PEPD: variants seen among roughly 807,000 people sequenced by gnomAD.
The protein encoded by PEPD is xaa-Pro dipeptidase.
Under a neutral mutation model 60.7 loss-of-function variants are expected in PEPD, and 53 were observed. The observed-to-expected ratio is 0.87, with a 90% CI of 0.70 to 1.10. The LOEUF is 1.10. Ranked by LOEUF, PEPD falls within the 50% of genes least tolerant of loss-of-function variation. The probability of loss-of-function intolerance (pLI) is 0.00; values close to 1 mark genes in which losing one functional copy is unlikely to be tolerated. For synonymous variants in PEPD, 267 were observed against 284.1 expected (o/e 0.94, Z 0.60); for missense variants, 711 against 711.9 (o/e 1.00, Z 0.01).
At chr19:33,472,386 C>G (rs546435845) in intron 7 of PEPD, among the ~76,000 whole-genome samples, 219 of 152,222 alleles carry the variant, frequency 1.4e-3, no homozygotes, top group Middle Eastern at 3.4e-3. Flanking sequence ...AAAAACGTGC[C>G]AGGAAATGTG....
chr19:33,398,987 TTTTG>T lies in PEPD; in HGVS notation c.967+2730_967+2733del, dbSNP rs555806956. On this transcript the variant is annotated intron_variant, in intron 12 of 14. Coordinates refer to ENST00000244137, the MANE Select transcript of PEPD (RefSeq NM_000285.4). ...TTCATACTCAGGGGTGGCAGCTCCTTTTTGTTTGTTTTTTGAGACAGGGTCTCAC... is the reference window on the plus strand; with the variant it reads ...TTCATACTCAGGGGTGGCAGCTCCTTTTTGTTTTTTGAGACAGGGTCTCAC... Among the ~76,000 whole-genome samples, 51 of 152,238 alleles carry T rather than the reference TTTTG, an allele frequency of 3.4e-4. No individual in the cohort carries two copies. The East Asian group carries it at 8.1e-3, about 24-fold the overall frequency.
intron 6 of PEPD, among the ~76,000 whole-genome samples, chr19:33,486,481 C>T (rs932191486): frequency 2.6e-5 from 4 of 152,052 alleles, no homozygotes; most frequent in Non-Finnish European, 2.9e-5. Context: ...GTCATCACAC[C>T]GAGCCACATC....
intron 6 of PEPD, among the ~76,000 whole-genome samples, chr19:33,488,556 A>G (rs1970438761): frequency 3.9e-5 from 6 of 152,020 alleles, no homozygotes; most frequent in Admixed American, 3.9e-4. Flanking sequence ...GGGGAGAGAG[A>G]GCAGCTCCAT....
At chr19:33,455,651 C>T (rs1015842829) in intron 9 of PEPD, among the ~76,000 whole-genome samples, 2 of 150,772 alleles carry the variant, frequency 1.3e-5, no homozygotes, top group Non-Finnish European at 2.9e-5. Context: ...TATAGGGGTG[C>T]GTCACCACAC....
intron 9 of PEPD, among the ~76,000 whole-genome samples, chr19:33,455,922 G>A (rs1969789037): frequency 2.0e-5 from 3 of 152,116 alleles, no homozygotes; most frequent in Non-Finnish European, 4.4e-5. Flanking sequence ...GGAGCAATGC[G>A]CCCAGCATTT....
At chr19:33,455,045 G>C (rs1417475955) in intron 9 of PEPD, among the ~76,000 whole-genome samples, 1 of 152,232 alleles carries the variant, frequency 6.6e-6, no homozygotes, top group Non-Finnish European at 1.5e-5. Flanking sequence ...TCACAGCCCA[G>C]AGGAGGCTAA....
At chr19:33,508,087 C>A (rs1337631719) in intron 3 of PEPD, among the ~76,000 whole-genome samples, 1 of 140,834 alleles carries the variant, frequency 7.1e-6, no homozygotes, top group African/African-American at 3.0e-5. Context: ...CTGATCAGAC[C>A]CTCCCTGAAG....
chr19:33,468,096 C>A (rs1970053613), intron 7 of PEPD, among the ~76,000 whole-genome samples: 1 of 152,128 alleles, frequency 6.6e-6, no homozygotes, highest in African/African-American at 2.4e-5. Flanking sequence ...CGGTTTGGGG[C>A]TGGCCACCCG....
intron 12 of PEPD, among the ~76,000 whole-genome samples, chr19:33,397,705 G>A (rs959287717): frequency 2.0e-5 from 3 of 152,076 alleles, no homozygotes; most frequent in East Asian, 1.9e-4. Context: ...GGGTGGGAGC[G>A]GGGCTGGGGG....
chr19:33,498,838 G>A (rs182208359), intron 4 of PEPD, among the ~76,000 whole-genome samples: 169 of 151,812 alleles, frequency 1.1e-3, no homozygotes, highest in Non-Finnish European at 1.9e-3. Flanking sequence ...CTGGAGTCAG[G>A]TGCCCGTTCC....
At chr19:33,501,098 T>C in intron 3 of PEPD, 97 bp from the exon 4 acceptor site, 4 of 802,124 alleles carry the variant, frequency 5.0e-6, no homozygotes. Flanking sequence ...GGAGCCCCAG[T>C]CCCATCCCTA....
At chr19:33,484,954 A>T (rs1970370489) in intron 6 of PEPD, among the ~76,000 whole-genome samples, 2 of 152,196 alleles carry the variant, frequency 1.3e-5, no homozygotes, top group Admixed American at 1.3e-4. Context: ...GTATCAACGA[A>T]ATCCCACTGG....
chr19:33,407,620 C>A (rs564889186), intron 11 of PEPD, among the ~76,000 whole-genome samples: 1 of 152,198 alleles, frequency 6.6e-6, no homozygotes, highest in Non-Finnish European at 1.5e-5. Context: ...AAGTGTGCTG[C>A]GCTTTTGTAA....
At chr19:33,411,284 A>T (rs1968763929) in intron 11 of PEPD, among the ~76,000 whole-genome samples, 1 of 152,160 alleles carries the variant, frequency 6.6e-6, no homozygotes, top group Non-Finnish European at 1.5e-5. Context: ...TCCCAGCTCC[A>T]GACCAAGAGG....
chr19:33,494,490 C>G (rs1384825747), intron 4 of PEPD, among the ~76,000 whole-genome samples: 1 of 152,224 alleles, frequency 6.6e-6, no homozygotes, highest in Admixed American at 6.5e-5. Flanking sequence ...ACGTACAATC[C>G]TATCTCCAGA....
At chr19:33,395,595 C>A (rs932937479) in intron 12 of PEPD, among the ~76,000 whole-genome samples, 4 of 152,194 alleles carry the variant, frequency 2.6e-5, no homozygotes, top group Admixed American at 6.5e-5. Flanking sequence ...ACTTGGTCTC[C>A]TCAGGCAGCA....
chr19:33,482,287 T>C (rs1356146494), intron 6 of PEPD, among the ~76,000 whole-genome samples: 2 of 152,082 alleles, frequency 1.3e-5, no homozygotes, highest in Non-Finnish European at 2.9e-5. Flanking sequence ...TCCTTCAACA[T>C]ACAAAAAGAA....
chr19:33,388,028 G>C lies in PEPD; in HGVS notation c.1206C>G (p.His402Gln), dbSNP rs750322296. Residue 402 changes from histidine (H) to glutamine (Q), a missense_variant, in exon 14 of 15, where the codon CAC becomes CAG. Coordinates refer to ENST00000244137, the MANE Select transcript of PEPD (RefSeq NM_000285.4). The part of the protein sequence containing the change: ...PGLRSLRTAR[H>Q]LQPGMVLTVE... ...CGGTGAGCACCATGCCTGGCTGCAG[G>C]TGCCGTGCAGTGCGCAGGCTCCGCA... 6.4e-7 allele frequency: 1 copy of C among 1,563,880 alleles called. No individual in the cohort carries two copies. The highest frequency in any genetic ancestry group is 8.7e-7 in the Non-Finnish European group (1 of 1,154,546).
intron 3 of PEPD, among the ~76,000 whole-genome samples, chr19:33,505,214 T>C (rs940248744): frequency 2.6e-5 from 4 of 151,998 alleles, no homozygotes; most frequent in Admixed American, 2.6e-4. Flanking sequence ...CCGGCCTGCC[T>C]TCAGCTACAA....
Sources: gnomAD v4.1 joint callset for allele counts (sites outside exome capture counted in the v4.1 genomes callset) on GRCh38, gnomAD v4.1.1 for gene constraint, MANE v1.5 for transcripts, NCBI Gene and HGNC (gene_info 2026-07-23, HGNC 2026-07-21) for gene names.